Variants in NGLY1 observed in about 807,000 individuals in gnomAD.
The protein encoded by NGLY1 is N-glycanase 1.
NGLY1 carries 68 observed loss-of-function variants against 84.6 expected under a neutral mutation model. The observed-to-expected ratio is 0.80, with a 90% CI of 0.66 to 0.98. The LOEUF is 0.98. Ranked by LOEUF, NGLY1 falls within the 50% of genes least tolerant of loss-of-function variation. NGLY1 has a pLI of 0.00. For missense variants in NGLY1, 779 were observed against 770.2 expected (o/e 1.01, Z -0.14); for synonymous variants, 280 against 275.2 (o/e 1.02, Z -0.17).
intron 3 of NGLY1, among the ~76,000 whole-genome samples, chr3:25,754,591 G>T (rs913476595): frequency 7.9e-5 from 12 of 151,940 alleles, no homozygotes; most frequent in African/African-American, 2.9e-4. Context: ...GGCATCAGAA[G>T]ACCCCATGGG....
At position 25,764,220 on chromosome 3, in the gene NGLY1, A is replaced by G. The variant is rs1441799025; in HGVS notation, c.338T>C (p.Leu113Pro). ...DLIAIERSSRLDGSNKSHKVK... is the reference protein window; with the variant it reads ...DLIAIERSSRPDGSNKSHKVK... ...TTTGTGGCTCTTATTTGAGCCATCCAGTCTGCTACTTCTCTCTATGGCAAT... is the reference window on the plus strand; with the variant it reads ...TTTGTGGCTCTTATTTGAGCCATCCGGTCTGCTACTTCTCTCTATGGCAAT... Residue 113 changes from leucine to proline, a missense_variant, in exon 3 of 12, where the codon CTG becomes CCG. Transcript: ENST00000280700. 6.2e-6 allele frequency: 10 copies of G among 1,614,042 alleles called. No individual in the cohort carries two copies. The highest frequency in any genetic ancestry group is 8.5e-6 in the Non-Finnish European group (10 of 1,180,038).
intron 10 of NGLY1, among the ~76,000 whole-genome samples, chr3:25,722,593 G>C (rs1411718085): frequency 6.6e-6 from 1 of 152,150 alleles, no homozygotes; most frequent in Non-Finnish European, 1.5e-5. Flanking sequence ...ACTCTCCAAA[G>C]AAAATGTTCT....
rs762058191 is a variant in NGLY1, at chr3:25,783,416, C to G, written c.-26G>C. 1 of 1,520,058 alleles carries G rather than the reference C, an allele frequency of 6.6e-7. No homozygotes were observed. The highest frequency in any genetic ancestry group is 8.8e-7 in the Non-Finnish European group (1 of 1,135,172). 94.2% of individuals were successfully genotyped at this position (1,520,058 alleles called of 1,614,324 possible). The stretch of plus-strand genomic sequence containing the variant: ...GCTTGAGCGCCAGCGGGCGCCGCCG[C>G]CGCCCCTCGCTCTCCGCGTCCCACA... On this transcript the variant is annotated 5_prime_UTR_variant, in exon 1 of 12. Transcript: ENST00000280700. This position sits in a 1 kb window ranked among gnomAD's most constrained non-coding sequence, Gnocchi z 4.5.
At chr3:25,745,668 C>T (rs1013375866) in intron 4 of NGLY1, among the ~76,000 whole-genome samples, 1 of 152,182 alleles carries the variant, frequency 6.6e-6, no homozygotes, top group Non-Finnish European at 1.5e-5. Flanking sequence ...GTAATCTCAA[C>T]CCTCTGTTCA....
At chr3:25,736,292 AC>A (rs1399503280) in intron 6 of NGLY1, 143 bp from the exon 7 acceptor site, 1 of 1,550,888 alleles carries the variant, frequency 6.4e-7, no homozygotes, top group East Asian at 2.4e-5. Context: ...TTTGTGGCAC[AC>A]AGGATTTTAG....
Position 25,739,836 on chromosome 3 carries a change from C to G in NGLY1, c.659-37G>C, listed in dbSNP as rs776029541. On this transcript the variant is annotated intron_variant, in intron 4 of 11. Coordinates refer to ENST00000280700, the MANE Select transcript of NGLY1 (RefSeq NM_018297.4). ...AGGGAGGACCAAGTAAGAGCTAAAACTGACAAAATTTAAACTATCCAAACA... is the reference window on the plus strand; with the variant it reads ...AGGGAGGACCAAGTAAGAGCTAAAAGTGACAAAATTTAAACTATCCAAACA... The G allele has an allele frequency of 9.4e-6, 14 of 1,493,298 alleles. No individual in the cohort carries two copies. The South Asian group carries it at 1.2e-4, about 12-fold the overall frequency. 92.5% of individuals were successfully genotyped at this position (1,493,298 alleles called of 1,614,324 possible).
At chr3:25,720,664 G>A (rs1309844496) in intron 10 of NGLY1, among the ~76,000 whole-genome samples, 1 of 152,128 alleles carries the variant, frequency 6.6e-6, no homozygotes, top group Non-Finnish European at 1.5e-5. Flanking sequence ...GCTAACTAAT[G>A]GTTTAAAAGG....
upstream of NGLY1, chr3:25,784,222 T>C (rs1276582580): frequency 1.3e-5 from 2 of 152,214 alleles, no homozygotes; most frequent in Non-Finnish European, 2.9e-5. Flanking sequence ...CCAGCTCAAC[T>C]AGTATATGAT....
chr3:25,783,012 C>T lies in NGLY1; in HGVS notation c.131+248G>A, dbSNP rs1708490137. 8.8e-6 allele frequency: 4 copies of T among 454,814 alleles called. No homozygotes were observed. The highest frequency in any genetic ancestry group is 1.6e-5 in the Non-Finnish European group (4 of 254,210). 28.2% of individuals were successfully genotyped at this position (454,814 alleles called of 1,614,324 possible). On this transcript the variant is annotated intron_variant, in intron 1 of 11. Transcript: ENST00000280700. The surrounding 1 kb of genome is among the most constrained non-coding windows in gnomAD (Gnocchi z 4.5). ...CGGGACTCCAGTTCACCCGCAGCAC[C>T]CTGACTGCAGGTGCCAAGTCACAAC...
Position 25,719,258 on chromosome 3 carries a change from C to G in NGLY1, c.*202G>C. ...ACAAGACTTTACTCCAAATTATAGT[C>G]ACATATGGAAGAAAGGTTTTAATTC... On this transcript the variant is annotated 3_prime_UTR_variant, in exon 12 of 12. Transcript: ENST00000280700. The G allele has an allele frequency of 2.4e-6, 1 of 411,534 alleles. No homozygotes were observed. The highest frequency in any genetic ancestry group is 4.3e-6 in the Non-Finnish European group (1 of 230,054). 25.5% of individuals were successfully genotyped at this position (411,534 alleles called of 1,614,324 possible).
chr3:25,788,470 T>C (rs1708650104), intron 1 of NGLY1, among the ~76,000 whole-genome samples: 1 of 152,324 alleles, frequency 6.6e-6, no homozygotes, highest in East Asian at 1.9e-4. Flanking sequence ...CCATTAAATA[T>C]CATAAAATTT....
Position 25,774,522 on chromosome 3 carries a change from G to T in NGLY1, c.246+4052C>A, listed in dbSNP as rs114818215. 1.9e-3 allele frequency among the ~76,000 whole-genome samples: 293 copies of T among 152,132 alleles called. 1 individual carries two copies. Among genetic ancestry groups the T allele is most frequent in the Non-Finnish European group, 3.3e-3 (222 of 68,002 alleles). On this transcript the variant is annotated intron_variant, in intron 2 of 11. Coordinates refer to ENST00000280700, the MANE Select transcript of NGLY1 (RefSeq NM_018297.4). Reference sequence around the variant, plus strand: ...AGGCCAATGGAGTTATGTTTCCAGGGGGATTACAGCTATCTCTGCTGCATC... The same window carrying T: ...AGGCCAATGGAGTTATGTTTCCAGGTGGATTACAGCTATCTCTGCTGCATC...
chr3:25,747,246 AC>A (rs552898962), intron 4 of NGLY1, among the ~76,000 whole-genome samples: 13 of 152,316 alleles, frequency 8.5e-5, no homozygotes, highest in Middle Eastern at 3.4e-3. Flanking sequence ...TTCAGTAAGT[AC>A]CTGATAAACA....
intron 4 of NGLY1, among the ~76,000 whole-genome samples, chr3:25,743,367 C>T (rs560048559): frequency 6.6e-6 from 1 of 152,202 alleles, no homozygotes; most frequent in East Asian, 1.9e-4. Flanking sequence ...TCACTGGCTA[C>T]AGCCACCATG....
At chr3:25,721,149 G>A (rs1040727953) in intron 10 of NGLY1, among the ~76,000 whole-genome samples, 3 of 152,088 alleles carry the variant, frequency 2.0e-5, no homozygotes, top group Admixed American at 2.0e-4. Flanking sequence ...GGAATGCAGT[G>A]GTGCAATCAT....
At chr3:25,751,391 AATT>A (rs1190748716) in intron 3 of NGLY1, 128 bp from the exon 4 acceptor site, 9 of 730,416 alleles carry the variant, frequency 1.2e-5, no homozygotes, top group Non-Finnish European at 1.8e-5. Flanking sequence ...TAAATATAAT[AATT>A]ATACCCATAA....
At chr3:25,769,849 A>G (rs1707810063) in intron 2 of NGLY1, among the ~76,000 whole-genome samples, 1 of 151,994 alleles carries the variant, frequency 6.6e-6, no homozygotes, top group Non-Finnish European at 1.5e-5. Context: ...GTCTGGTTAC[A>G]TGGATAAGTT....
At chr3:25,733,468 T>TGGAC (rs1705651291) in intron 8 of NGLY1, among the ~76,000 whole-genome samples, 1 of 8,578 alleles carries the variant, frequency 1.2e-4, no homozygotes, top group Non-Finnish European at 4.2e-4. Context: ...CACATGGACG[T>TGGAC]GTGTGTGTGT....
chr3:25,783,367 G>C lies in NGLY1; in HGVS notation c.24C>G (p.Ser8Arg). ...CGGCCGGGGACGCCGAGCCTGAGGA[G>C]CTGCCCAATGCCGCCGCCGCCATGC... MAAAALG[S>R]SSGSASPAVA... is the part of the protein sequence containing the mutation. Residue 8 changes from serine (S) to arginine (R), a missense_variant, in exon 1 of 12, where the codon AGC (serine) becomes AGG (arginine). Ser to Arg is a moderately radical substitution (Grantham distance 110, BLOSUM62 -1). Transcript: ENST00000280700. The surrounding 1 kb of genome is among the most constrained non-coding windows in gnomAD (Gnocchi z 4.5). 6.5e-7 allele frequency: 1 copy of C among 1,550,144 alleles called. No individual in the cohort carries two copies. Among genetic ancestry groups the C allele is most frequent in the Non-Finnish European group, 8.7e-7 (1 of 1,149,420 alleles).
Sources: allele counts gnomAD v4.1 joint callset (sites outside exome capture counted in the v4.1 genomes callset), GRCh38; gene constraint gnomAD v4.1.1; non-coding constraint Gnocchi (gnomAD v3.1); transcripts MANE v1.5; gene names NCBI Gene and HGNC (gene_info 2026-07-23, HGNC 2026-07-21).